The following GRM5 variants were observed in gnomAD, a reference collection of about 807,000 sequenced individuals.
GRM5 encodes the protein metabotropic glutamate receptor 5.
GRM5 carries 19 observed loss-of-function variants against 83.1 expected under a neutral mutation model. The ratio of observed to expected loss-of-function variants is 0.23; its 90% confidence interval spans 0.16 to 0.34. The LOEUF is 0.34. Ranked by LOEUF, GRM5 falls within the 10% of genes least tolerant of loss-of-function variation. GRM5 has a pLI of 1.00. For synonymous variants in GRM5, 675 were observed against 633.6 expected, an observed-to-expected ratio of 1.07 and a Z score of -0.98; for missense variants, 1,160 against 1,588.3, an observed-to-expected ratio of 0.73 and a Z score of 4.58.
chr11:88,623,895 T>C (rs190662630), intron 4 of GRM5, among the ~76,000 whole-genome samples: 177 of 152,316 alleles, frequency 1.2e-3, no homozygotes, highest in Middle Eastern at 3.4e-3. Context: ...ATTAATACTA[T>C]TTACTTCATT....
intron 4 of GRM5, among the ~76,000 whole-genome samples, chr11:88,629,458 G>A (rs1009928460): frequency 1.2e-4 from 19 of 152,086 alleles, no homozygotes; most frequent in African/African-American, 4.6e-4. Context: ...TGTGAACATG[G>A]CAGGCAAATT....
At chr11:88,646,499 A>C (rs79565209) in intron 4 of GRM5, among the ~76,000 whole-genome samples, 1 of 149,236 alleles carries the variant, frequency 6.7e-6, no homozygotes, top group Admixed American at 6.7e-5. Context: ...TAGAAGGAAA[A>C]CAAAAATTAA....
chr11:89,045,792 T>C (rs1565350000), intron 2 of GRM5, among the ~76,000 whole-genome samples: 1 of 152,144 alleles, frequency 6.6e-6, no homozygotes, highest in Non-Finnish European at 1.5e-5. Flanking sequence ...AAAACATACC[T>C]TTACAATTGG....
At chr11:88,931,440 T>TAA (rs5793361) in intron 2 of GRM5, among the ~76,000 whole-genome samples, 1,772 of 146,542 alleles carry the variant, frequency 0.012, 17 homozygotes, top group Middle Eastern at 0.025. Context: ...AGAACCAAAG[T>TAA]AAAAAAAAAA....
intron 3 of GRM5, among the ~76,000 whole-genome samples, chr11:88,826,349 C>T: frequency 6.6e-6 from 1 of 151,454 alleles, no homozygotes. Flanking sequence ...TTTCTTAGAC[C>T]CTAAGTTCTG....
chr11:89,041,929 G>A (rs1042070344), intron 2 of GRM5, among the ~76,000 whole-genome samples: 1 of 152,122 alleles, frequency 6.6e-6, no homozygotes, highest in African/African-American at 2.4e-5. Flanking sequence ...GAATTTTTGT[G>A]GAGCAAAGGA....
At chr11:89,027,831 T>G (rs1315208643) in intron 2 of GRM5, among the ~76,000 whole-genome samples, 1 of 152,216 alleles carries the variant, frequency 6.6e-6, no homozygotes, top group Non-Finnish European at 1.5e-5. Context: ...TGCTATGGTC[T>G]GAATATCCTC....
intron 3 of GRM5, among the ~76,000 whole-genome samples, chr11:88,836,428 T>C (rs1470307540): frequency 1.3e-5 from 2 of 152,224 alleles, no homozygotes; most frequent in Non-Finnish European, 2.9e-5. Context: ...TATATGTGTG[T>C]ATATAAATCT....
At chr11:88,952,647 G>T (rs902009399) in intron 2 of GRM5, among the ~76,000 whole-genome samples, 3 of 151,764 alleles carry the variant, frequency 2.0e-5, no homozygotes. Context: ...TAATCCCCAG[G>T]AATGCTAATG....
Position 88,567,182 on chromosome 11 carries a change from C to T in GRM5, c.2501G>A (p.Arg834His), listed in dbSNP as rs1256137628. 2 of 1,614,068 alleles carry T rather than the reference C, an allele frequency of 1.2e-6. No individual in the cohort carries two copies. The highest frequency in any genetic ancestry group is 1.7e-5 in the Admixed American group (1 of 60,026). The change falls in exon 8 of 10, where the codon CGC (arginine) becomes CAC (histidine). Residue 834 changes from arginine (R) to histidine (H), a missense_variant. Arg to His is a conservative substitution (Grantham distance 29). Around this residue, in one of 9 missense-constraint regions of GRM5, gnomAD observed 66 missense variants for 138.6 expected, o/e 0.48. Transcript: ENST00000305447. This position sits in a 1 kb window ranked among gnomAD's most constrained non-coding sequence, Gnocchi z 7.3. ...CACGGTAGATGTGGTGAAGGCGCTG[C>T]GCACGTTTCTCTCTGGTTTGGCCAG... ...IILAKPERNV[R>H]SAFTTSTVVR...
intron 6 of GRM5, among the ~76,000 whole-genome samples, chr11:88,596,812 GTC>G (rs1937820469): frequency 6.6e-6 from 1 of 151,962 alleles, no homozygotes; most frequent in Non-Finnish European, 1.5e-5. Flanking sequence ...AATAAAGCGT[GTC>G]TCATTTATTT....
chr11:89,061,156 T>C (rs1941983861), intron 1 of GRM5, among the ~76,000 whole-genome samples: 1 of 152,132 alleles, frequency 6.6e-6, no homozygotes, highest in African/African-American at 2.4e-5. Context: ...TCTATCTATC[T>C]ATATCGAGAT....
chr11:88,896,506 T>C (rs1945230573), intron 2 of GRM5, among the ~76,000 whole-genome samples: 1 of 146,138 alleles, frequency 6.8e-6, no homozygotes, highest in Admixed American at 6.8e-5. Context: ...TATCTATCTG[T>C]CTATCTATTA....
chr11:88,762,979 G>A (rs6483447), intron 3 of GRM5, among the ~76,000 whole-genome samples: 109,800 of 151,714 alleles, frequency 0.72, 40,154 homozygotes, highest in African/African-American at 0.75. Context: ...ATGAGAACAT[G>A]TGGACACATA....
At chr11:88,824,817 A>G (rs1353599991) in intron 3 of GRM5, among the ~76,000 whole-genome samples, 3 of 152,118 alleles carry the variant, frequency 2.0e-5, no homozygotes, top group Non-Finnish European at 4.4e-5. Flanking sequence ...CAGTACCTAC[A>G]TATGGATATG....
At chr11:88,768,497 TAA>T (rs1283369598) in intron 3 of GRM5, among the ~76,000 whole-genome samples, 1 of 151,790 alleles carries the variant, frequency 6.6e-6, no homozygotes, top group African/African-American at 2.4e-5. Flanking sequence ...TTTTACAAGA[TAA>T]AAAGAGTTAT....
At chr11:88,621,854 A>G (rs1938644036) in intron 4 of GRM5, among the ~76,000 whole-genome samples, 2 of 152,312 alleles carry the variant, frequency 1.3e-5, no homozygotes, top group South Asian at 2.1e-4. Context: ...CAGTATGTAA[A>G]CCTACAAAGA....
At chr11:89,018,973 G>A (rs1940920768) in intron 2 of GRM5, among the ~76,000 whole-genome samples, 1 of 152,136 alleles carries the variant, frequency 6.6e-6, no homozygotes, top group East Asian at 1.9e-4. Flanking sequence ...AAAGCCTATA[G>A]TTAGTTCAGA....
At chr11:88,991,344 T>A (rs1591027497) in intron 2 of GRM5, among the ~76,000 whole-genome samples, 1 of 151,910 alleles carries the variant, frequency 6.6e-6, no homozygotes, top group Non-Finnish European at 1.5e-5. Context: ...TACAAACCAC[T>A]GCTCAAGGAA....
Sources: gnomAD v4.1 joint callset for allele counts (sites outside exome capture counted in the v4.1 genomes callset) on GRCh38, gnomAD v4.1.1 for gene constraint, gnomAD v4.1.1 regional missense constraint, Gnocchi (gnomAD v3.1) non-coding constraint, MANE v1.5 for transcripts, NCBI Gene and HGNC (gene_info 2026-07-23, HGNC 2026-07-21) for gene names.